NEK10: variants seen among roughly 807,000 people sequenced by gnomAD.
NEK10 encodes NIMA related kinase 10.
Under a neutral mutation model 159.8 loss-of-function variants are expected in NEK10, and 122 were observed. The observed-to-expected ratio is 0.76, with a 90% CI of 0.66 to 0.89. The LOEUF (loss-of-function observed/expected upper bound fraction) is 0.89, where lower values mean the gene tolerates loss of function less well. NEK10 is among the 40% of genes least tolerant of loss of function. NEK10 has a pLI of 0.00. For synonymous variants in NEK10, 466 were observed against 457.1 expected (o/e 1.02, Z -0.25); for missense variants, 1,342 against 1,323.1 (o/e 1.01, Z -0.22).
intron 20 of NEK10, among the ~76,000 whole-genome samples, chr3:27,286,659 G>A (rs1322567851): frequency 6.7e-6 from 1 of 148,942 alleles, no homozygotes; most frequent in African/African-American, 2.5e-5. Flanking sequence ...CAAAATGCTA[G>A]GATCATAGGC....
chr3:27,274,977 A>G (rs1457353687), intron 22 of NEK10, among the ~76,000 whole-genome samples: 2 of 152,200 alleles, frequency 1.3e-5, no homozygotes, highest in African/African-American at 2.4e-5. Flanking sequence ...GAACCAAATC[A>G]TATCCCAAAT....
chr3:27,228,871 G>A (rs1952919667), intron 23 of NEK10, among the ~76,000 whole-genome samples: 1 of 152,104 alleles, frequency 6.6e-6, no homozygotes, highest in Non-Finnish European at 1.5e-5. Flanking sequence ...CAGAGGAGCT[G>A]AGGTAGCTCC....
intron 3 of NEK10, among the ~76,000 whole-genome samples, chr3:27,350,866 T>G (rs2047921331): frequency 1.3e-5 from 2 of 152,144 alleles, no homozygotes; most frequent in African/African-American, 4.8e-5. Flanking sequence ...GTTTTTTTTG[T>G]TTTTTGCCCT....
chr3:27,172,079 C>T (rs1482858533), intron 28 of NEK10, among the ~76,000 whole-genome samples: 1 of 151,934 alleles, frequency 6.6e-6, no homozygotes. Flanking sequence ...TGGCTCACAC[C>T]TGTAATCCCA....
chr3:27,292,052 G>A (rs965093686), intron 16 of NEK10, among the ~76,000 whole-genome samples: 6 of 151,782 alleles, frequency 4.0e-5, no homozygotes, highest in East Asian at 3.9e-4. Context: ...AACTTATCTC[G>A]AAAAAATACA....
intron 32 of NEK10, among the ~76,000 whole-genome samples, chr3:27,124,765 G>A (rs1329398670): frequency 2.0e-5 from 3 of 152,214 alleles, no homozygotes; most frequent in Non-Finnish European, 4.4e-5. Context: ...AAGGTGGTGA[G>A]TCTAATTCCC....
At chr3:27,253,312 C>T (rs888845342) in intron 23 of NEK10, among the ~76,000 whole-genome samples, 7 of 152,102 alleles carry the variant, frequency 4.6e-5, no homozygotes, top group African/African-American at 1.7e-4. Flanking sequence ...GAAAATGCTT[C>T]CCAGAGCCTC....
At chr3:27,155,327 C>G (rs189226110) in intron 30 of NEK10, among the ~76,000 whole-genome samples, 2 of 151,818 alleles carry the variant, frequency 1.3e-5, no homozygotes, top group Non-Finnish European at 2.9e-5. Flanking sequence ...CATGGTGAAA[C>G]CCTGTCTCTA....
At chr3:27,245,652 AT>A (rs965597375) in intron 23 of NEK10, among the ~76,000 whole-genome samples, 15 of 152,220 alleles carry the variant, frequency 9.9e-5, no homozygotes, top group African/African-American at 3.6e-4. Context: ...GCAAACCTAT[AT>A]AAACCATCGT....
intron 4 of NEK10, among the ~76,000 whole-genome samples, chr3:27,345,653 T>C (rs1395341358): frequency 2.0e-5 from 3 of 152,222 alleles, no homozygotes; most frequent in South Asian, 2.1e-4. Flanking sequence ...CTTTCAATGT[T>C]AGAGGTGTGC....
At chr3:27,187,133 T>A (rs2148951446) in intron 26 of NEK10, among the ~76,000 whole-genome samples, 1 of 152,192 alleles carries the variant, frequency 6.6e-6, no homozygotes, top group East Asian at 1.9e-4. Flanking sequence ...CCATAAACAT[T>A]TAATAAGGAC....
intron 26 of NEK10, among the ~76,000 whole-genome samples, chr3:27,180,706 T>C (rs1015740155): frequency 6.6e-6 from 1 of 152,152 alleles, no homozygotes; most frequent in Non-Finnish European, 1.5e-5. Flanking sequence ...GCACATGTTG[T>C]CAAAATTCCA....
rs2042951739 is a variant in NEK10, at chr3:27,290,899, G to C, written c.1606-145C>G. On this transcript the variant is annotated intron_variant, in intron 18 of 35. Transcript: ENST00000691995. ...TCACAGAGCATTTAAAGTTCCAGCT[G>C]TATTTACATTAAGCTCAGCTCAAAA... 4 of 649,342 alleles carry C rather than the reference G, an allele frequency of 6.2e-6. No homozygotes were observed. The South Asian group carries it at 8.9e-5, about 14-fold the overall frequency. 40.2% of individuals were successfully genotyped at this position (649,342 alleles called of 1,614,324 possible).
At chr3:27,308,818 C>G in intron 10 of NEK10, 108 bp downstream of exon 10, 1 of 470,588 alleles carries the variant, frequency 2.1e-6, no homozygotes, top group African/African-American at 2.0e-5. Flanking sequence ...ACTTATTTAT[C>G]AAGAAATTGT....
intron 22 of NEK10, among the ~76,000 whole-genome samples, chr3:27,271,548 T>C (rs2041361335): frequency 6.6e-6 from 1 of 152,168 alleles, no homozygotes; most frequent in Non-Finnish European, 1.5e-5. Context: ...AGGCAAAAAC[T>C]GAGGAGCATT....
intron 13 of NEK10, among the ~76,000 whole-genome samples, chr3:27,298,994 A>T (rs1485038968): frequency 6.6e-6 from 1 of 152,248 alleles, no homozygotes; most frequent in Non-Finnish European, 1.5e-5. Context: ...CTGACAATGC[A>T]ATAGAAAAGA....
At chr3:27,187,752 C>G (rs576467825) in intron 26 of NEK10, among the ~76,000 whole-genome samples, 26 of 136,926 alleles carry the variant, frequency 1.9e-4, no homozygotes, top group South Asian at 4.4e-4. Context: ...CAGAGTGAGA[C>G]TCCATCTCAA....
intron 31 of NEK10, among the ~76,000 whole-genome samples, chr3:27,135,012 G>A (rs1943037635): frequency 6.6e-6 from 1 of 152,198 alleles, no homozygotes; most frequent in Admixed American, 6.5e-5. Flanking sequence ...AGAGCTTAAA[G>A]ACATTATGTA....
chr3:27,109,386 A>AG lies in NEK10; in HGVS notation c.*1885_*1886insC, dbSNP rs1939297907. Among the ~76,000 whole-genome samples, 1 of 151,756 alleles carries AG rather than the reference A, an allele frequency of 6.6e-6. No individual in the cohort carries two copies. The highest frequency in any genetic ancestry group is 1.5e-5 in the Non-Finnish European group (1 of 67,914). On this transcript the variant is annotated 3_prime_UTR_variant, in exon 36 of 36. Coordinates refer to ENST00000691995, the MANE Select transcript of NEK10 (RefSeq NM_001394966.1). Reference sequence around the variant, plus strand: ...AGAGTGAGACTCTGTCTTAAAAAAAAAAAAAAAAAAAAAGAGTTAGATGGA... The same window carrying AG: ...AGAGTGAGACTCTGTCTTAAAAAAAAGAAAAAAAAAAAAAGAGTTAGATGGA...
Sources: gnomAD v4.1 joint callset for allele counts (sites outside exome capture counted in the v4.1 genomes callset) on GRCh38, gnomAD v4.1.1 for gene constraint, MANE v1.5 for transcripts, NCBI Gene and HGNC (gene_info 2026-07-23, HGNC 2026-07-21) for gene names.